ANKRD50: variants seen among roughly 807,000 people sequenced by gnomAD.
ANKRD50 encodes ankyrin repeat domain-containing protein 50.
Under a neutral mutation model 112.0 loss-of-function variants are expected in ANKRD50, and 40 were observed. That is an observed-to-expected ratio of 0.36 (90% CI 0.28 to 0.46). The LOEUF (loss-of-function observed/expected upper bound fraction) is 0.46, where lower values mean the gene tolerates loss of function less well. ANKRD50 is among the 20% of genes least tolerant of loss of function. ANKRD50 has a pLI of 1.00. For missense variants in ANKRD50, 1,487 were observed against 1,701.7 expected (o/e 0.87, Z 2.22); for synonymous variants, 613 against 619.1 (o/e 0.99, Z 0.15).
At chr4:124,686,570 T>C (rs1370730351) in intron 2 of ANKRD50, among the ~76,000 whole-genome samples, 1 of 151,998 alleles carries the variant, frequency 6.6e-6, no homozygotes, top group Non-Finnish European at 1.5e-5. Context: ...AGGAATAGAA[T>C]AAGCATTACT....
intron 2 of ANKRD50, among the ~76,000 whole-genome samples, chr4:124,700,998 CTT>C (rs2110525747): frequency 6.6e-6 from 1 of 152,250 alleles, no homozygotes; most frequent in South Asian, 2.1e-4. Flanking sequence ...GAGTTTTGCT[CTT>C]GTTGCCCAGG....
At chr4:124,690,529 A>T (rs1560826893) in intron 2 of ANKRD50, among the ~76,000 whole-genome samples, 1 of 152,230 alleles carries the variant, frequency 6.6e-6, no homozygotes. Context: ...GAAAAAATAG[A>T]TATTGGTAAT....
chr4:124,704,834 C>T (rs916703145), intron 2 of ANKRD50, among the ~76,000 whole-genome samples: 10 of 152,162 alleles, frequency 6.6e-5, no homozygotes, highest in African/African-American at 2.4e-4. Context: ...GTGGCTCACG[C>T]CTGTAATCCC....
At chr4:124,684,404 C>T (rs769687904) in intron 2 of ANKRD50, among the ~76,000 whole-genome samples, 4 of 152,214 alleles carry the variant, frequency 2.6e-5, no homozygotes, top group African/African-American at 9.6e-5. Flanking sequence ...GTACACAACC[C>T]GTAGAGTTTA....
intron 2 of ANKRD50, among the ~76,000 whole-genome samples, chr4:124,682,442 T>A (rs1436966723): frequency 2.0e-5 from 3 of 152,150 alleles, no homozygotes; most frequent in African/African-American, 7.2e-5. Context: ...TCCTACGTAC[T>A]TACTGATTTT....
chr4:124,670,580 T>A lies in ANKRD50; in HGVS notation c.2697A>T (p.Leu899Phe). Residue 899 changes from leucine (L) to phenylalanine (F), a missense_variant, in exon 4 of 5, where the codon TTA (leucine) becomes TTT (phenylalanine). By Grantham distance (22) the Leu-to-Phe change is conservative (BLOSUM62 0). Coordinates refer to ENST00000504087, the MANE Select transcript of ANKRD50 (RefSeq NM_020337.3). Reference protein sequence around the residue: ...QEGHYDCVQILLENKSNIDQR... With the variant: ...QEGHYDCVQIFLENKSNIDQR... ...GATCAATGTTGGATTTGTTTTCCAG[T>A]AATATTTGAACACAATCATAATGAC... is the stretch of plus-strand genomic sequence containing the variant. 6.2e-7 allele frequency: 1 copy of A among 1,612,922 alleles called. No individual in the cohort carries two copies. The highest frequency in any genetic ancestry group is 8.5e-7 in the Non-Finnish European group (1 of 1,179,666).
intron 1 of ANKRD50, among the ~76,000 whole-genome samples, chr4:124,711,538 GA>G (rs1404395486): frequency 1.3e-5 from 2 of 152,102 alleles, no homozygotes; most frequent in Non-Finnish European, 2.9e-5. Context: ...CATAGCAAAG[GA>G]GGGGGGGAGA....
Position 124,707,924 on chromosome 4 carries a change from T to C in ANKRD50, c.512+2076A>G, listed in dbSNP as rs1259231535. 4.6e-5 allele frequency among the ~76,000 whole-genome samples: 7 copies of C among 152,274 alleles called. 1 individual carries two copies. The highest frequency in any genetic ancestry group is 4.6e-4 in the Admixed American group (7 of 15,298). ...GAAAGCTATGCTTAGGATCAGAATA[T>C]ATCAAAAATACAGTAATCAGACATG... On this transcript the variant is annotated intron_variant, in intron 2 of 4. Transcript: ENST00000504087.
chr4:124,693,051 G>A (rs1176743212), intron 2 of ANKRD50, among the ~76,000 whole-genome samples: 1 of 152,084 alleles, frequency 6.6e-6, no homozygotes, highest in Non-Finnish European at 1.5e-5. Context: ...AGAAGAAATA[G>A]AATTCTCTTC....
intron 2 of ANKRD50, among the ~76,000 whole-genome samples, chr4:124,703,688 A>C (rs1475227707): frequency 6.6e-6 from 1 of 152,086 alleles, no homozygotes; most frequent in Non-Finnish European, 1.5e-5. Context: ...TTTTCAAGAA[A>C]AAGCAAAAAT....
chr4:124,709,990 T>C lies in ANKRD50; in HGVS notation c.512+10A>G. The C allele has an allele frequency of 1.3e-6, 2 of 1,593,470 alleles. No homozygotes were observed. Among genetic ancestry groups the C allele is most frequent in the South Asian group, 2.2e-5 (2 of 89,416 alleles). On this transcript the variant is annotated intron_variant, in intron 2 of 4. Transcript: ENST00000504087. The stretch of plus-strand genomic sequence containing the variant: ...TAGAAATCTGAACACCATGACATTT[T>C]TATTGTTACCTTTTAAATGCTTCGG...
rs372492970 is a variant in ANKRD50 at position 124,710,507 on chromosome 4, G to A, written c.5C>T (p.Thr2Ile). 6.2e-7 allele frequency: 1 copy of A among 1,607,510 alleles called. No individual in the cohort carries two copies. Among genetic ancestry groups the A allele is most frequent in the African/African-American group, 1.3e-5 (1 of 74,736 alleles). Residue 2 changes from threonine (T) to isoleucine (I), a missense_variant, in exon 2 of 5, where the codon ACT becomes ATT. Thr to Ile is a moderately conservative substitution (Grantham distance 89). This residue lies in a region of ANKRD50 where 1,046 missense variants were observed against 1,269.5 expected (regional missense o/e 0.82). Transcript: ENST00000504087. ...GCAGACTTTCTCTTCCCAAGGATTAGTCATAACGGGTTTTTTATCTTCATT... is the reference window on the plus strand; with the variant it reads ...GCAGACTTTCTCTTCCCAAGGATTAATCATAACGGGTTTTTTATCTTCATT... M[T>I]NPWEEKVCKM...
chr4:124,679,325 G>A (rs370172014), intron 2 of ANKRD50, among the ~76,000 whole-genome samples: 16 of 152,222 alleles, frequency 1.1e-4, no homozygotes, highest in African/African-American at 3.1e-4. Flanking sequence ...AAAATATCAA[G>A]AGTTCTGTAG....
At chr4:124,703,615 T>C (rs1467862260) in intron 2 of ANKRD50, among the ~76,000 whole-genome samples, 1 of 151,486 alleles carries the variant, frequency 6.6e-6, no homozygotes, top group Non-Finnish European at 1.5e-5. Flanking sequence ...GACTCAAGTC[T>C]GTAAGATTAC....
intron 2 of ANKRD50, among the ~76,000 whole-genome samples, chr4:124,703,338 T>C (rs1390191895): frequency 6.6e-6 from 1 of 152,004 alleles, no homozygotes; most frequent in Non-Finnish European, 1.5e-5. Flanking sequence ...AGGAAGAAAC[T>C]GATGGGGAAG....
At chr4:124,690,875 C>T (rs1171281834) in intron 2 of ANKRD50, among the ~76,000 whole-genome samples, 5 of 152,172 alleles carry the variant, frequency 3.3e-5, no homozygotes, top group African/African-American at 4.8e-5. Context: ...AATTGTGGCT[C>T]ATGTACCCCA....
In ANKRD50 at chr4:124,678,857, T is replaced by C; in HGVS notation, c.561A>G (p.Leu187=). The change falls in exon 3 of 5, where the codon CTA becomes CTG. Residue 187 remains leucine, a synonymous_variant. Coordinates refer to ENST00000504087, the MANE Select transcript of ANKRD50 (RefSeq NM_020337.3). ...LLGMKPPQQS[L]YLLVDSVDEG... is the part of the protein sequence containing the mutation. The stretch of plus-strand genomic sequence containing the variant: ...CATCAACAGAATCAACAAGCAGGTA[T>C]AGGCTTTGCTGGGGAGGCTTCATTC... The C allele has an allele frequency of 1.2e-6, 2 of 1,613,816 alleles. No homozygotes were observed. Among genetic ancestry groups the C allele is most frequent in the Non-Finnish European group, 8.5e-7 (1 of 1,179,778 alleles).
intron 3 of ANKRD50, among the ~76,000 whole-genome samples, chr4:124,677,616 C>T (rs1289229047): frequency 6.6e-6 from 1 of 151,750 alleles, no homozygotes; most frequent in Non-Finnish European, 1.5e-5. Flanking sequence ...TTACAAAAAT[C>T]CTATAAGAAA....
chr4:124,667,753 A>G (rs758536384), intron 4 of ANKRD50, among the ~76,000 whole-genome samples: 7 of 152,026 alleles, frequency 4.6e-5, no homozygotes, highest in Non-Finnish European at 7.4e-5. Flanking sequence ...CCTTTAAAAC[A>G]GATATCATGA....
Sources: gnomAD v4.1 joint callset for allele counts (sites outside exome capture counted in the v4.1 genomes callset) on GRCh38, gnomAD v4.1.1 for gene constraint, gnomAD v4.1.1 regional missense constraint, MANE v1.5 for transcripts, NCBI Gene and HGNC (gene_info 2026-07-23, HGNC 2026-07-21) for gene names.